STS: variants seen among roughly 807,000 people sequenced by gnomAD.
STS encodes the protein steroid sulfatase.
STS carries 7 observed loss-of-function variants against 26.8 expected under a neutral mutation model. The observed-to-expected ratio is 0.26, with a 90% confidence interval of 0.15 to 0.49. STS has a LOEUF of 0.49. Among genes scored for constraint, STS ranks in the 20% least tolerant of loss-of-function variants. The pLI is 0.98. For synonymous variants in STS, 199 were observed against 189.4 expected (o/e 1.05, Z -0.42); for missense variants, 434 against 465.6 (o/e 0.93, Z 0.63).
At chrX:7,332,113 G>A (rs1159081839) in intron 9 of STS, among the ~76,000 whole-genome samples, 1 of 109,999 alleles carries the variant, frequency 9.1e-6, no homozygotes, top group Non-Finnish European at 1.9e-5. Flanking sequence ...GGCCAAGGCC[G>A]GAGGAGAGCT....
chrX:7,205,329 A>G (rs1312122425), intron 2 of STS, among the ~76,000 whole-genome samples: 2 of 112,035 alleles, frequency 1.8e-5, no homozygotes, highest in Non-Finnish European at 3.8e-5. Context: ...GTTCCCCCCA[A>G]GCTAAAAGTG....
At chrX:7,324,969 G>A (rs181697960) in intron 8 of STS, among the ~76,000 whole-genome samples, 1 of 111,102 alleles carries the variant, frequency 9.0e-6, no homozygotes, top group Non-Finnish European at 1.9e-5. Flanking sequence ...GCGGACACTT[G>A]GGGGCACCAT....
intron 5 of STS, among the ~76,000 whole-genome samples, chrX:7,258,267 G>GGATA (rs55667371): frequency 0.31 from 31,796 of 101,979 alleles, 4,431 homozygotes; most frequent in Non-Finnish European, 0.36. Flanking sequence ...ATAGATGGTT[G>GGATA]GATAGATAGA....
chrX:7,259,206 A>G (rs1343155203), intron 5 of STS, 143 bp from the exon 6 acceptor site: 7 of 605,157 alleles, frequency 1.2e-5, no homozygotes, highest in Non-Finnish European at 1.8e-5. Context: ...AAAAAAGTGA[A>G]AAATTCTAGG....
At chrX:7,289,026 G>T (rs1925283223) in intron 7 of STS, among the ~76,000 whole-genome samples, 1 of 111,258 alleles carries the variant, frequency 9.0e-6, no homozygotes, top group African/African-American at 3.3e-5. Flanking sequence ...TGGGAGTGAA[G>T]CCAAGCTCCC....
At chrX:7,253,058 G>T in intron 2 of STS, 138 bp from the exon 3 acceptor site, 1 of 681,927 alleles carries the variant, frequency 1.5e-6, no homozygotes, top group Non-Finnish European at 2.3e-6. Context: ...GGCTGAGACA[G>T]GAGGATCGCT....
In STS at chrX:7,327,435, G is replaced by A. The variant is rs911241736; in HGVS notation, c.1241+1937G>A. Among the ~76,000 whole-genome samples, 4 of 104,360 alleles carry A rather than the reference G, an allele frequency of 3.8e-5. No individual in the cohort carries two copies. In the Admixed American group the frequency reaches 4.2e-4, roughly 11 times the overall value. 90.6% of individuals were successfully genotyped at this position (104,360 alleles called of 115,157 possible). A position where few individuals can be genotyped will look rare whatever the true frequency, so the allele number is the denominator to read the frequency against. On this transcript the variant is annotated intron_variant, in intron 9 of 10. Transcript: ENST00000674429. ...GTTTCACTCTGTCACCCAGGCTGGAGTGCAGTGGCGCGATCTCAGCTCACT... is the reference window on the plus strand; with the variant it reads ...GTTTCACTCTGTCACCCAGGCTGGAATGCAGTGGCGCGATCTCAGCTCACT...
intron 8 of STS, among the ~76,000 whole-genome samples, chrX:7,312,673 C>G (rs1926537530): frequency 9.0e-6 from 1 of 111,465 alleles, no homozygotes; most frequent in Non-Finnish European, 1.9e-5. Flanking sequence ...TTCACACACT[C>G]TCTTGCCTGA....
chrX:7,332,151 G>T (rs914391412), intron 9 of STS, among the ~76,000 whole-genome samples: 4 of 108,982 alleles, frequency 3.7e-5, no homozygotes, highest in African/African-American at 1.3e-4. Flanking sequence ...GGCCAGTCTG[G>T]GCAAATCGCT....
chrX:7,230,163 C>A (rs1921997250), intron 2 of STS, among the ~76,000 whole-genome samples: 1 of 111,429 alleles, frequency 9.0e-6, no homozygotes, highest in South Asian at 3.8e-4. Flanking sequence ...GCTGGGATTA[C>A]AGACATGAGC....
At chrX:7,197,087 C>T (rs746995594) in intron 2 of STS, among the ~76,000 whole-genome samples, 1 of 111,259 alleles carries the variant, frequency 9.0e-6, no homozygotes, top group Non-Finnish European at 1.9e-5. Context: ...ACCTGTCCTA[C>T]TACCCAGGCT....
At chrX:7,332,984 C>T (rs1308448383) in intron 9 of STS, among the ~76,000 whole-genome samples, 1 of 112,001 alleles carries the variant, frequency 8.9e-6, no homozygotes, top group African/African-American at 3.2e-5. Context: ...GCTATAATTA[C>T]ATTATAGGTT....
At chrX:7,210,571 T>C (rs1401795297) in intron 2 of STS, among the ~76,000 whole-genome samples, 2 of 107,341 alleles carry the variant, frequency 1.9e-5, no homozygotes, top group East Asian at 5.6e-4. Flanking sequence ...ATATATAAAT[T>C]GATGTATTTA....
chrX:7,290,500 G>A (rs1228026846), intron 7 of STS, among the ~76,000 whole-genome samples: 1 of 112,189 alleles, frequency 8.9e-6, no homozygotes, highest in Non-Finnish European at 1.9e-5. Flanking sequence ...TTAAAGATGT[G>A]TAAACCAAGG....
chrX:7,281,673 A>G (rs777699905), intron 7 of STS, among the ~76,000 whole-genome samples: 3 of 112,271 alleles, frequency 2.7e-5, no homozygotes, highest in African/African-American at 9.7e-5. Context: ...AAGAACCTCA[A>G]GAAACACAAG....
chrX:7,199,364 TATA>T (rs1405082985), intron 2 of STS, among the ~76,000 whole-genome samples: 1 of 112,165 alleles, frequency 8.9e-6, no homozygotes, highest in Non-Finnish European at 1.9e-5. Flanking sequence ...GAATGGTTAG[TATA>T]ATACTTGTGT....
At chrX:7,208,555 T>A (rs1920967384) in intron 2 of STS, among the ~76,000 whole-genome samples, 1 of 112,002 alleles carries the variant, frequency 8.9e-6, no homozygotes, top group Non-Finnish European at 1.9e-5. Flanking sequence ...AGCAGATCTT[T>A]TTTCTTGTAT....
rs112185201 is a variant in STS, at chrX:7,344,501, C to G, written c.1364-5387C>G. On this transcript the variant is annotated intron_variant, in intron 10 of 10. Transcript: ENST00000674429. ...CTGCCATCCATTTGTCAGGGACCACCCTGACAGAGGCCCCATCATCTCGAG... is the reference window on the plus strand; with the variant it reads ...CTGCCATCCATTTGTCAGGGACCACGCTGACAGAGGCCCCATCATCTCGAG... Among the ~76,000 whole-genome samples the G allele has an allele frequency of 3.3e-3, 370 of 111,063 alleles. 2 individuals are homozygous for G. Among genetic ancestry groups the G allele is most frequent in the African/African-American group, 0.012 (358 of 30,533 alleles).
chrX:7,252,281 T>C (rs1569201793), intron 2 of STS: 2 of 751,313 alleles, frequency 2.7e-6, no homozygotes, highest in Non-Finnish European at 3.1e-6. Context: ...TGTGAACCAG[T>C]TGCTGGGAGA....
Sources: gnomAD v4.1 joint callset for allele counts (sites outside exome capture counted in the v4.1 genomes callset) on GRCh38, gnomAD v4.1.1 for gene constraint, MANE v1.5 for transcripts, NCBI Gene and HGNC (gene_info 2026-07-23, HGNC 2026-07-21) for gene names.